Variants in IFT88 observed in about 807,000 individuals in gnomAD.
IFT88 encodes intraflagellar transport 88.
Under a neutral mutation model 119.5 loss-of-function variants are expected in IFT88, and 74 were observed. That is an observed-to-expected ratio of 0.62 (90% confidence interval 0.51 to 0.75). The LOEUF is 0.75. IFT88 is among the 30% of genes least tolerant of loss of function. The pLI is 0.00. For missense variants in IFT88, 961 were observed against 977.7 expected (o/e 0.98, Z 0.23); for synonymous variants, 279 against 316.7 (o/e 0.88, Z 1.26).
intron 2 of IFT88, among the ~76,000 whole-genome samples, chr13:20,576,850 C>A (rs959489646): frequency 6.6e-6 from 1 of 152,078 alleles, no homozygotes. Flanking sequence ...TATTCTGGGT[C>A]TTTTGTAGTT....
intron 13 of IFT88, chr13:20,607,879 A>C (rs563126644): frequency 2.8e-6 from 2 of 710,700 alleles, no homozygotes. Context: ...AGTCACCAGC[A>C]CCAATGTCCT....
intron 24 of IFT88, among the ~76,000 whole-genome samples, chr13:20,683,680 C>A (rs2057574726): frequency 1.3e-5 from 2 of 152,168 alleles, no homozygotes; most frequent in African/African-American, 2.4e-5. Context: ...TCCTTTCATT[C>A]ATTTTTTTCC....
chr13:20,638,207 T>C (rs912161503), intron 16 of IFT88, 125 bp from the exon 17 acceptor site: 14 of 504,630 alleles, frequency 2.8e-5, no homozygotes, highest in African/African-American at 1.0e-4. Flanking sequence ...GACCAAGATA[T>C]GTAAAATATT....
intron 7 of IFT88, among the ~76,000 whole-genome samples, chr13:20,593,205 A>G (rs1429567413): frequency 1.3e-5 from 2 of 152,234 alleles, no homozygotes; most frequent in Non-Finnish European, 2.9e-5. Context: ...ATTTAATTAT[A>G]TACATCTGCT....
intron 24 of IFT88, among the ~76,000 whole-genome samples, chr13:20,687,653 C>T (rs766565067): frequency 3.3e-5 from 5 of 150,966 alleles, no homozygotes; most frequent in Admixed American, 6.6e-5. Flanking sequence ...CTATGTCTGA[C>T]GGTAAGATAG....
intron 16 of IFT88, chr13:20,631,418 T>G: frequency 4.2e-6 from 1 of 237,648 alleles, no homozygotes; most frequent in East Asian, 9.0e-5. Flanking sequence ...GTAAAGAAAG[T>G]GACATCTTAG....
chr13:20,575,098 C>T (rs1040373119), intron 2 of IFT88, among the ~76,000 whole-genome samples: 1 of 151,458 alleles, frequency 6.6e-6, no homozygotes, highest in African/African-American at 2.4e-5. Context: ...CCATTCTCAC[C>T]CCCTCCCCTG....
chr13:20,656,508 A>G, intron 22 of IFT88, 78 bp downstream of exon 22: 1 of 592,392 alleles, frequency 1.7e-6, no homozygotes, highest in Non-Finnish European at 2.9e-6. Context: ...TACCTTTGCT[A>G]CAGTAATTGT....
intron 16 of IFT88, among the ~76,000 whole-genome samples, chr13:20,632,431 A>G (rs1167356641): frequency 6.6e-6 from 1 of 152,186 alleles, no homozygotes; most frequent in African/African-American, 2.4e-5. Flanking sequence ...CAGGGTGGTA[A>G]ACTATTATAA....
At chr13:20,606,448 G>A (rs1370460678) in intron 13 of IFT88, among the ~76,000 whole-genome samples, 1 of 152,160 alleles carries the variant, frequency 6.6e-6, no homozygotes, top group East Asian at 1.9e-4. Flanking sequence ...ATGTGGCAGG[G>A]GCTGGATTTC....
intron 24 of IFT88, among the ~76,000 whole-genome samples, chr13:20,678,637 A>G (rs2056974293): frequency 1.3e-5 from 2 of 152,220 alleles, no homozygotes; most frequent in Non-Finnish European, 2.9e-5. Context: ...AACTTCTAGC[A>G]GTGTGAACCA....
intron 2 of IFT88, among the ~76,000 whole-genome samples, chr13:20,579,870 G>A (rs868416090): frequency 2.6e-5 from 4 of 152,142 alleles, no homozygotes; most frequent in South Asian, 2.1e-4. Context: ...CAGCAGTGAC[G>A]AATCCTGCCA....
chr13:20,644,649 A>C (rs1268232857), intron 19 of IFT88, among the ~76,000 whole-genome samples, 194 bp from the exon 20 acceptor site: 3 of 152,174 alleles, frequency 2.0e-5, no homozygotes, highest in African/African-American at 7.2e-5. Flanking sequence ...AGATAATTGA[A>C]AAGTGTGTCA....
chr13:20,591,036 G>A lies in IFT88; in HGVS notation c.264+16G>A. 2.5e-6 allele frequency: 4 copies of A among 1,582,208 alleles called. No individual in the cohort carries two copies. The highest frequency in any genetic ancestry group is 1.8e-5 in the Admixed American group (1 of 56,960). ...GGCTATTCAGGTATCTCTATTGGAT[G>A]CATGTTCATTTTGTGCCTTTCTTGT... On this transcript the variant is annotated intron_variant, in intron 5 of 25. Coordinates refer to ENST00000351808, the MANE Select transcript of IFT88 (RefSeq NM_006531.5).
intron 13 of IFT88, among the ~76,000 whole-genome samples, chr13:20,609,516 G>A (rs900134494): frequency 6.6e-6 from 1 of 152,092 alleles, no homozygotes; most frequent in Non-Finnish European, 1.5e-5. Flanking sequence ...CAGCCCTTCG[G>A]GAGGCTGAGG....
At chr13:20,578,174 A>G (rs1417503094) in intron 2 of IFT88, among the ~76,000 whole-genome samples, 1 of 148,720 alleles carries the variant, frequency 6.7e-6, no homozygotes, top group African/African-American at 2.5e-5. Flanking sequence ...CCTCCCGAGT[A>G]GCTGGGACCA....
At position 20,625,760 on chromosome 13, in the gene IFT88, G is replaced by A; in HGVS notation, c.1210G>A (p.Val404Met). The A allele has an allele frequency of 1.3e-6, 2 of 1,599,702 alleles. No individual in the cohort carries two copies. Among genetic ancestry groups the A allele is most frequent in the Non-Finnish European group, 8.5e-7 (1 of 1,174,168 alleles). The change falls in exon 15 of 26, where the codon GTG becomes ATG. Residue 404 changes from valine (V) to methionine (M), a missense_variant. Transcript: ENST00000351808. ...TGCTTTCCCTTATAGGTGCGTGGAA[G>A]TGGTGAAAGCTTCTCAATATGTAGA... is the stretch of plus-strand genomic sequence containing the variant. The part of the protein sequence containing the change: ...FAAGYDWCVE[V>M]VKASQYVELA...
chr13:20,671,683 T>C (rs928070873), intron 24 of IFT88, among the ~76,000 whole-genome samples: 1 of 152,202 alleles, frequency 6.6e-6, no homozygotes, highest in African/African-American at 2.4e-5. Context: ...CTTTCTCTAC[T>C]TCAGGCAGGC....
chr13:20,588,654 C>A (rs2040146426), intron 3 of IFT88, among the ~76,000 whole-genome samples: 3 of 152,164 alleles, frequency 2.0e-5, no homozygotes, highest in African/African-American at 7.2e-5. Flanking sequence ...CAATGGCTGT[C>A]TTATCAGAAA....
Sources: gnomAD v4.1 joint callset for allele counts (sites outside exome capture counted in the v4.1 genomes callset) on GRCh38, gnomAD v4.1.1 for gene constraint, MANE v1.5 for transcripts, NCBI Gene and HGNC (gene_info 2026-07-23, HGNC 2026-07-21) for gene names.